The following CUX1 variants were observed in gnomAD, a reference collection of about 807,000 sequenced individuals.
The protein encoded by CUX1 is cut like homeobox 1.
In CUX1, 31 loss-of-function variants were observed where a neutral mutation model predicts 158.8. The ratio of observed to expected loss-of-function variants is 0.20; its 90% CI spans 0.15 to 0.26. CUX1 has a LOEUF of 0.26. Among genes scored for constraint, CUX1 ranks in the 10% least tolerant of loss-of-function variants. The pLI, the probability that CUX1 is intolerant of heterozygous loss-of-function variation, is 1.00. For synonymous variants in CUX1, 879 were observed against 862.1 expected, an observed-to-expected ratio of 1.02 and a Z score of -0.34; for missense variants, 1,589 against 2,014.6, an observed-to-expected ratio of 0.79 and a Z score of 4.04.
chr7:102,011,455 T>C (rs1461925640), intron 2 of CUX1, among the ~76,000 whole-genome samples: 1 of 151,908 alleles, frequency 6.6e-6, no homozygotes, highest in Admixed American at 6.6e-5. Flanking sequence ...CTTGCTTGCT[T>C]ATTTATTTAT....
chr7:102,276,544 T>C (rs1439797707), intron 17 of CUX1, among the ~76,000 whole-genome samples: 1 of 152,176 alleles, frequency 6.6e-6, no homozygotes, highest in Non-Finnish European at 1.5e-5. Context: ...TCAGGTGATC[T>C]GCCCACCTCA....
intron 11 of CUX1, among the ~76,000 whole-genome samples, chr7:102,181,329 A>G (rs1554513944): frequency 6.6e-6 from 1 of 151,854 alleles, no homozygotes; most frequent in Admixed American, 6.6e-5. Flanking sequence ...ATTTAATCTC[A>G]TTTTCTCATG....
intron 1 of CUX1, among the ~76,000 whole-genome samples, chr7:101,828,211 C>T (rs1325257545): frequency 2.0e-5 from 3 of 151,974 alleles, no homozygotes; most frequent in African/African-American, 7.3e-5. Context: ...CTCAGATGAT[C>T]TGTCCGCTTC....
At chr7:102,097,569 G>A in intron 5 of CUX1, 68 bp downstream of exon 5, 1 of 1,482,620 alleles carries the variant, frequency 6.7e-7, no homozygotes. Flanking sequence ...ATTTTAATTG[G>A]CTTTTCCCAT....
intron 3 of CUX1, among the ~76,000 whole-genome samples, chr7:102,040,846 C>T (rs1751502828): frequency 6.6e-6 from 1 of 152,218 alleles, no homozygotes; most frequent in Admixed American, 6.5e-5. Flanking sequence ...CGACTTTGCT[C>T]ATCTGTAAAA....
At chr7:102,009,259 G>A (rs1256975557) in intron 2 of CUX1, among the ~76,000 whole-genome samples, 1 of 152,186 alleles carries the variant, frequency 6.6e-6, no homozygotes, top group Non-Finnish European at 1.5e-5. Context: ...GAAGCATCTA[G>A]AAGCAAGCAC....
At chr7:102,200,256 A>AT (rs11413053) in intron 17 of CUX1, 84 bp downstream of exon 17, 334,931 of 913,952 alleles carry the variant, frequency 0.37, 49,592 homozygotes, top group African/African-American at 0.6. Flanking sequence ...GTAATTAACT[A>AT]TTTTTTTTTT....
intron 2 of CUX1, among the ~76,000 whole-genome samples, chr7:101,973,894 G>A (rs4727514): frequency 0.46 from 68,182 of 149,578 alleles, 16,824 homozygotes; most frequent in East Asian, 0.59. Flanking sequence ...TCAGCCTCCC[G>A]AGTAGCTGGG....
At chr7:102,226,627 G>A (rs568137242) in intron 20 of CUX1, among the ~76,000 whole-genome samples, 1 of 149,568 alleles carries the variant, frequency 6.7e-6, no homozygotes, top group Non-Finnish European at 1.5e-5. Flanking sequence ...CGCAGTTGTT[G>A]TTTTTTTTCT....
chr7:102,073,189 T>TTTTTTTTTTTTTTA (rs1554475486), intron 4 of CUX1, among the ~76,000 whole-genome samples: 1 of 129,734 alleles, frequency 7.7e-6, no homozygotes, highest in Non-Finnish European at 1.6e-5. Flanking sequence ...TTTTTTTTTT[T>TTTTTTTTTTTTTTA]CTGAGACAGA....
rs1301586030 is a variant in CUX1 at position 102,071,261 on chromosome 7, C to G, written c.268+844C>G. On this transcript the variant is annotated intron_variant, in intron 4 of 23. Transcript: ENST00000292535. ...CATGCAGGAGCCACCACGCCTGGCCCTGTTTCTTCTTTTAGAGGGATTGAA... is the reference window on the plus strand; with the variant it reads ...CATGCAGGAGCCACCACGCCTGGCCGTGTTTCTTCTTTTAGAGGGATTGAA... Among the ~76,000 whole-genome samples the G allele has an allele frequency of 2.0e-5, 3 of 152,134 alleles. No homozygotes were observed. In the East Asian group the frequency reaches 5.8e-4, roughly 29 times the overall value.
At chr7:102,195,741 C>T (rs1794738184) in intron 14 of CUX1, 138 bp downstream of exon 14, 3 of 728,886 alleles carry the variant, frequency 4.1e-6, no homozygotes, top group Non-Finnish European at 6.7e-6. Flanking sequence ...TTGACTAACG[C>T]GTGTTGGGTG....
At chr7:102,184,211 G>A (rs556924625) in intron 11 of CUX1, among the ~76,000 whole-genome samples, 1 of 152,298 alleles carries the variant, frequency 6.6e-6, no homozygotes, top group Admixed American at 6.5e-5. Flanking sequence ...GATAGACATA[G>A]TTTATAGATT....
intron 23 of CUX1, among the ~76,000 whole-genome samples, chr7:102,244,836 G>A (rs1334920349): frequency 6.6e-6 from 1 of 152,150 alleles, no homozygotes; most frequent in South Asian, 2.1e-4. Flanking sequence ...TCGCAGCCAC[G>A]GCATTCTGCG....
chr7:102,274,099 G>A, intron 15 of CUX1: 3 of 741,714 alleles, frequency 4.0e-6, no homozygotes, highest in Non-Finnish European at 7.1e-6. Context: ...CCAGGTCCGG[G>A]CCCTCCTGCA....
intron 4 of CUX1, among the ~76,000 whole-genome samples, chr7:102,087,069 T>C (rs1209697218): frequency 6.6e-6 from 1 of 152,248 alleles, no homozygotes; most frequent in Non-Finnish European, 1.5e-5. Flanking sequence ...CTTGCTTTTT[T>C]ATCCATCCTA....
chr7:102,232,821 T>C (rs1799146912), intron 21 of CUX1, among the ~76,000 whole-genome samples: 1 of 152,130 alleles, frequency 6.6e-6, no homozygotes, highest in South Asian at 2.1e-4. Context: ...AGAAAAGGTA[T>C]CAGGAAAGGG....
Position 102,204,506 on chromosome 7 carries a change from G to A in CUX1, c.3023G>A (p.Gly1008Asp). ...PFIRMQLWLN[G>D]ELGQGVLPVQ... ...ATCCGGATGCAGCTCTGGCTGAACGGCGAGCTAGGCCAGGGTGTTCTACCC... is the reference window on the plus strand; with the variant it reads ...ATCCGGATGCAGCTCTGGCTGAACGACGAGCTAGGCCAGGGTGTTCTACCC... The change falls in exon 19 of 24, where the codon GGC becomes GAC. Residue 1008 changes from glycine to aspartate, a missense_variant. This residue lies in a region of CUX1 where 259 missense variants were observed against 373.8 expected (regional missense o/e 0.69). Coordinates refer to ENST00000292535, the MANE Select transcript of CUX1 (RefSeq NM_181552.4). The A allele has an allele frequency of 3.7e-6, 6 of 1,613,748 alleles. No homozygotes were observed. The highest frequency in any genetic ancestry group is 5.1e-6 in the Non-Finnish European group (6 of 1,180,030).
intron 23 of CUX1, among the ~76,000 whole-genome samples, chr7:102,243,632 AAATAAT>A (rs3077412): frequency 0.041 from 5,364 of 130,746 alleles, 283 homozygotes; most frequent in African/African-American, 0.13. Context: ...TCTCTACAGA[AAATAAT>A]AATAATAATA....
Sources: allele counts gnomAD v4.1 joint callset (sites outside exome capture counted in the v4.1 genomes callset), GRCh38; gene constraint gnomAD v4.1.1; regional missense constraint gnomAD v4.1.1; transcripts MANE v1.5; gene names NCBI Gene and HGNC (gene_info 2026-07-23, HGNC 2026-07-21).